KIF5B: variants seen among roughly 807,000 people sequenced by gnomAD.
KIF5B encodes kinesin family member 5B.
Under a neutral mutation model 132.8 loss-of-function variants are expected in KIF5B, and 49 were observed. The observed-to-expected ratio is 0.37, with a 90% CI of 0.29 to 0.47. KIF5B has a LOEUF of 0.47. KIF5B is among the 20% of genes least tolerant of loss of function. The pLI, the probability that KIF5B is intolerant of heterozygous loss-of-function variation, is 1.00. For synonymous variants in KIF5B, 355 were observed against 369.4 expected (o/e 0.96, Z 0.45); for missense variants, 780 against 1,144.0 (o/e 0.68, Z 4.59).
At position 32,037,912 on chromosome 10, in the gene KIF5B, C is replaced by T. The variant is rs549955618; in HGVS notation, c.498+251G>A. On this transcript the variant is annotated intron_variant, in intron 6 of 25. Transcript: ENST00000302418. ...GGATCACGAGGTCAGGAGTTCAAGA[C>T]CAGCCTGGCCAACATGGTGAAACTT... Among the ~76,000 whole-genome samples the T allele has an allele frequency of 8.6e-5, 13 of 151,586 alleles. No individual in the cohort carries two copies. In the East Asian group the frequency reaches 2.5e-3, roughly 30 times the overall value.
At chr10:32,021,321 TA>T in intron 17 of KIF5B, 34 bp from the exon 18 acceptor site, 1 of 1,471,364 alleles carries the variant, frequency 6.8e-7, no homozygotes, top group Non-Finnish European at 9.5e-7. Flanking sequence ...AAGAGTGAAA[TA>T]AGCCTTTAAG....
chr10:32,014,549 A>AAGAG (rs150457811), intron 25 of KIF5B, among the ~76,000 whole-genome samples: 1,535 of 149,936 alleles, frequency 0.01, 19 homozygotes, highest in African/African-American at 0.032. Context: ...AAGCTCCAGA[A>AAGAG]AGAGAGAGAG....
At chr10:32,018,717 T>G (rs1841214473) in intron 20 of KIF5B, among the ~76,000 whole-genome samples, 155 bp from the exon 21 acceptor site, 1 of 147,378 alleles carries the variant, frequency 6.8e-6, no homozygotes, top group South Asian at 2.1e-4. Flanking sequence ...CTGTGCTGTC[T>G]TTCAAAAAAA....
chr10:32,023,029 TC>T lies in KIF5B; in HGVS notation c.1732del (p.Glu578ArgfsTer5). The T allele has an allele frequency of 6.4e-7, 1 of 1,568,094 alleles. No homozygotes were observed. The highest frequency in any genetic ancestry group is 8.7e-7 in the Non-Finnish European group (1 of 1,153,132). ...AVGNNDVKQP[E>X]GTGMIDEEFT... is the part of the protein sequence containing the mutation. ...CTCTTCATCTATCATGCCAGTTCCC[TC>T]AGGCTGCTGTAAGGAAAAAGTAAAA... On this transcript the variant is annotated frameshift_variant, in exon 16 of 26. Transcript: ENST00000302418. LOFTEE classifies it high-confidence loss of function.
chr10:32,031,756 T>C (rs1841404948), intron 13 of KIF5B, among the ~76,000 whole-genome samples: 1 of 150,098 alleles, frequency 6.7e-6, no homozygotes, highest in Non-Finnish European at 1.5e-5. Context: ...CCCAGCATTT[T>C]GGGAGGCCGA....
chr10:32,022,299 C>G, intron 16 of KIF5B, 42 bp from the exon 17 acceptor site: 1 of 907,774 alleles, frequency 1.1e-6, no homozygotes, highest in East Asian at 2.4e-5. Context: ...AAAACATATG[C>G]ATACACTTTA....
In KIF5B at chr10:32,031,773, C is replaced by T. The variant is rs11008740; in HGVS notation, c.1375-494G>A. ...CAGCATTTTGGGAGGCCGAGGCGGG[C>T]GGATCACAAGGTCAGGAGTTTGAGA... On this transcript the variant is annotated intron_variant, in intron 13 of 25. Coordinates refer to ENST00000302418, the MANE Select transcript of KIF5B (RefSeq NM_004521.3). 1.4e-4 allele frequency among the ~76,000 whole-genome samples: 20 copies of T among 145,004 alleles called. 1 individual carries two copies. The Middle Eastern group carries it at 0.011, about 82-fold the overall frequency.
intron 20 of KIF5B, among the ~76,000 whole-genome samples, chr10:32,019,219 T>A (rs1233014803): frequency 6.6e-6 from 1 of 152,198 alleles, no homozygotes; most frequent in African/African-American, 2.4e-5. Context: ...ATATTTTACA[T>A]TACAAGTATT....
Position 32,018,340 on chromosome 10 carries a change from C to T in KIF5B, c.2415G>A (p.Gln805=), listed in dbSNP as rs1256716270. Residue 805 remains glutamine, a synonymous_variant, in exon 22 of 26, where the codon CAG becomes CAA. Coordinates refer to ENST00000302418, the MANE Select transcript of KIF5B (RefSeq NM_004521.3). ...TLHNLRKLFV[Q]DLATRVKKSA... Reference sequence around the variant, plus strand: ...CCTTTTTAACTCTTGTAGCCAGGTCCTGAACAAAGAGTTTGCGCAGGTTGT... The same window carrying T: ...CCTTTTTAACTCTTGTAGCCAGGTCTTGAACAAAGAGTTTGCGCAGGTTGT... The T allele has an allele frequency of 3.3e-6, 5 of 1,514,836 alleles. No homozygotes were observed. Among genetic ancestry groups the T allele is most frequent in the Non-Finnish European group, 4.4e-6 (5 of 1,135,348 alleles). 93.8% of individuals were successfully genotyped at this position (1,514,836 alleles called of 1,614,324 possible). A position where few individuals can be genotyped will look rare whatever the true frequency, so the allele number is the denominator to read the frequency against.
At position 32,028,457 on chromosome 10, in the gene KIF5B, C is replaced by T; in HGVS notation, c.1696G>A (p.Gly566Arg). ...ASLLKDLAEIGIAVGNNDVKQ... is the reference protein window; with the variant it reads ...ASLLKDLAEIRIAVGNNDVKQ... ...ACATCATTATTTCCCACAGCAATTC[C>T]TATTTCTGCAAGGTCTTTTAGTAAA... The change falls in exon 15 of 26, where the codon GGA becomes AGA. Residue 566 changes from glycine (G) to arginine (R), a missense_variant. This residue lies in a region of KIF5B where 471 missense variants were observed against 569.9 expected (regional missense o/e 0.83). Transcript: ENST00000302418. 1 of 1,612,520 alleles carries T rather than the reference C, an allele frequency of 6.2e-7. No homozygotes were observed. Among genetic ancestry groups the T allele is most frequent in the East Asian group, 2.2e-5 (1 of 44,854 alleles).
At chr10:32,031,624 A>C (rs981487977) in intron 13 of KIF5B, among the ~76,000 whole-genome samples, 2 of 152,084 alleles carry the variant, frequency 1.3e-5, no homozygotes, top group Admixed American at 6.5e-5. Flanking sequence ...TTCATGGAGA[A>C]GTTGGCTAGG....
Position 32,033,826 on chromosome 10 carries a change from TA to T in KIF5B, c.1305+18del. 1 of 1,577,720 alleles carries T rather than the reference TA, an allele frequency of 6.3e-7. No individual in the cohort carries two copies. Among genetic ancestry groups the T allele is most frequent in the African/African-American group, 1.4e-5 (1 of 74,004 alleles). On this transcript the variant is annotated intron_variant, in intron 12 of 25. Transcript: ENST00000302418. ...ATAGTATCCTAATATAAAGCAGACC[TA>T]AATCAAGCAATACCTACCTTGTCAT...
chr10:32,032,884 T>C lies in KIF5B; in HGVS notation c.1306-110A>G, dbSNP rs531730710. ...CCCAGAAATATTTCAAAACCATTTC[T>C]CTAAATTCAACATTGCTTATTTTAA... is the stretch of plus-strand genomic sequence containing the variant. On this transcript the variant is annotated intron_variant, in intron 12 of 25. Coordinates refer to ENST00000302418, the MANE Select transcript of KIF5B (RefSeq NM_004521.3). 32 of 804,544 alleles carry C rather than the reference T, an allele frequency of 4.0e-5. No individual in the cohort carries two copies. In the African/African-American group the frequency reaches 5.4e-4, roughly 13 times the overall value. The allele number at this position is 804,544 out of a possible 1,614,324, so 49.8% of individuals were successfully genotyped here.
rs940175802 is a variant in KIF5B, at chr10:32,026,284, C to A, written c.1725+2144G>T. 1.7e-4 allele frequency among the ~76,000 whole-genome samples: 26 copies of A among 151,338 alleles called. No homozygotes were observed. In the East Asian group the frequency reaches 5.1e-3, roughly 30 times the overall value. On this transcript the variant is annotated intron_variant, in intron 15 of 25. Transcript: ENST00000302418. ...TCCATCTCTACTAAAAATACAAAAA[C>A]AAAATTATCCAGGCGTGGTGGCACA... is the stretch of plus-strand genomic sequence containing the variant.
In KIF5B at chr10:32,018,146, A is replaced by C; in HGVS notation, c.2450T>G (p.Ile817Ser). The C allele has an allele frequency of 6.3e-7, 1 of 1,596,044 alleles. No individual in the cohort carries two copies. Among genetic ancestry groups the C allele is most frequent in the Non-Finnish European group, 8.5e-7 (1 of 1,172,168 alleles). The change falls in exon 23 of 26, where the codon ATT becomes AGT. Residue 817 changes from isoleucine (I) to serine (S), a missense_variant. Ile to Ser is a moderately radical substitution (Grantham distance 142). Transcript: ENST00000302418. ...GCTGCCTCCGGTGTCATCAGAATCAATCTCAGCACTCTGAGAAAAGAAGGT... is the reference window on the plus strand; with the variant it reads ...GCTGCCTCCGGTGTCATCAGAATCACTCTCAGCACTCTGAGAAAAGAAGGT... ...LATRVKKSAE[I>S]DSDDTGGSAA...
Position 32,009,279 on chromosome 10 carries a change from CTT to C in KIF5B, c.*2256_*2257del, listed in dbSNP as rs1208460583. 6.6e-6 allele frequency: 1 copy of C among 152,122 alleles called. No homozygotes were observed. The highest frequency in any genetic ancestry group is 2.4e-5 in the African/African-American group (1 of 41,422). 9.4% of individuals were successfully genotyped at this position (152,122 alleles called of 1,614,324 possible). ...ATTAATCGCCATGAATAAATATTCT[CTT>C]TATTTCATTGAGTTTCTCTTCTGAA... On this transcript the variant is annotated 3_prime_UTR_variant, in exon 26 of 26. Coordinates refer to ENST00000302418, the MANE Select transcript of KIF5B (RefSeq NM_004521.3).
At chr10:32,041,979 C>A (rs1459940614) in intron 2 of KIF5B, among the ~76,000 whole-genome samples, 1 of 152,000 alleles carries the variant, frequency 6.6e-6, no homozygotes, top group Non-Finnish European at 1.5e-5. Flanking sequence ...TAAATATATT[C>A]TTTTATTAGG....
chr10:32,038,889 G>A (rs1451784110), intron 4 of KIF5B, 63 bp from the exon 5 acceptor site: 4 of 979,726 alleles, frequency 4.1e-6, no homozygotes, highest in Non-Finnish European at 4.8e-6. Flanking sequence ...CGCATATTGA[G>A]GTCTGAGTGC....
Position 32,010,558 on chromosome 10 carries a change from A to G in KIF5B, c.*979T>C, listed in dbSNP as rs980334496. On this transcript the variant is annotated 3_prime_UTR_variant, in exon 26 of 26. Transcript: ENST00000302418. ...TCATTTTTCTCAATTTCCACACGCT[A>G]TAAATTTAGGTCGGCCAATAAAGTA... 1.3e-5 allele frequency: 2 copies of G among 152,144 alleles called. No individual in the cohort carries two copies. Among genetic ancestry groups the G allele is most frequent in the African/African-American group, 4.8e-5 (2 of 41,428 alleles). 9.4% of individuals were successfully genotyped at this position (152,144 alleles called of 1,614,324 possible).
Sources: allele counts gnomAD v4.1 joint callset (sites outside exome capture counted in the v4.1 genomes callset), GRCh38; gene constraint gnomAD v4.1.1; regional missense constraint gnomAD v4.1.1; transcripts MANE v1.5; gene names NCBI Gene and HGNC (gene_info 2026-07-23, HGNC 2026-07-21).